Variants in FOXN3 observed in about 807,000 individuals in gnomAD.
FOXN3 encodes forkhead box protein N3.
In FOXN3, 7 loss-of-function variants were observed where a neutral mutation model predicts 38.4. That is an observed-to-expected ratio of 0.18 (90% CI 0.10 to 0.34). The LOEUF (loss-of-function observed/expected upper bound fraction) is 0.34, where lower values mean the gene tolerates loss of function less well. FOXN3 is among the 10% of genes least tolerant of loss of function. FOXN3 has a pLI of 1.00. For missense variants in FOXN3, 456 were observed against 613.4 expected (o/e 0.74, Z 2.71); for synonymous variants, 230 against 242.2 (o/e 0.95, Z 0.47).
intron 4 of FOXN3, among the ~76,000 whole-genome samples, chr14:89,266,487 T>A (rs28623319): frequency 2.9e-4 from 44 of 151,750 alleles, no homozygotes; most frequent in Non-Finnish European, 5.0e-4. Flanking sequence ...TGGAGGCGGC[T>A]GGGGGGGCGG....
intron 4 of FOXN3, among the ~76,000 whole-genome samples, chr14:89,277,866 C>T (rs550391175): frequency 3.3e-5 from 5 of 152,254 alleles, no homozygotes; most frequent in South Asian, 4.2e-4. Flanking sequence ...TCAGGTTCCG[C>T]GCTGTTGCTA....
intron 1 of FOXN3, among the ~76,000 whole-genome samples, chr14:89,479,710 T>C (rs1221578422): frequency 1.3e-5 from 2 of 152,210 alleles, no homozygotes; most frequent in Non-Finnish European, 2.9e-5. Flanking sequence ...ACTGAGATGT[T>C]AACATCAGAC....
chr14:89,222,720 C>T (rs558216689), intron 4 of FOXN3, among the ~76,000 whole-genome samples: 1 of 152,106 alleles, frequency 6.6e-6, no homozygotes, highest in Non-Finnish European at 1.5e-5. Context: ...CCCAAAACTA[C>T]CTGGGATGAC....
chr14:89,252,962 A>T (rs1050643457), intron 4 of FOXN3, among the ~76,000 whole-genome samples: 1 of 152,168 alleles, frequency 6.6e-6, no homozygotes, highest in African/African-American at 2.4e-5. Context: ...AAGCGCAGTC[A>T]CTTTAGAGAA....
chr14:89,534,368 C>G (rs1200236023), intron 1 of FOXN3, among the ~76,000 whole-genome samples: 2 of 152,124 alleles, frequency 1.3e-5, no homozygotes, highest in African/African-American at 4.8e-5. Flanking sequence ...TCCCAAAGTG[C>G]TGGGATTATA....
Position 89,549,738 on chromosome 14 carries a change from G to A in FOXN3, c.-15+69290C>T, listed in dbSNP as rs1252675499. Among the ~76,000 whole-genome samples the A allele has an allele frequency of 4.6e-5, 7 of 152,178 alleles. 1 individual carries two copies. In the South Asian group the frequency reaches 6.2e-4, roughly 14 times the overall value. On this transcript the variant is annotated intron_variant, in intron 1 of 6. Coordinates refer to the FOXN3 transcript ENST00000345097. The stretch of plus-strand genomic sequence containing the variant: ...TTCAGATTCAAGGCATGGCCAAGTC[G>A]CACAGGCTCACTTCAGGGTCCAGTT...
chr14:89,602,582 C>T (rs1896175914), intron 1 of FOXN3, among the ~76,000 whole-genome samples: 3 of 151,906 alleles, frequency 2.0e-5, no homozygotes, highest in Non-Finnish European at 2.9e-5. Context: ...CTGCAACCTC[C>T]GCCCCCCGAG....
intron 1 of FOXN3, among the ~76,000 whole-genome samples, chr14:89,429,344 C>A (rs2041157929): frequency 1.3e-5 from 2 of 152,222 alleles, no homozygotes; most frequent in East Asian, 1.9e-4. Flanking sequence ...CCAGTGACAT[C>A]CTCGGTCTAA....
At position 89,268,080 on chromosome 14, in the gene FOXN3, A is replaced by C. The variant is rs138328340; in HGVS notation, c.745+12870T>G. ...TAAACATATATGCACCTACACACACATACAGCTACACATTAATTTACACAT... is the reference window on the plus strand; with the variant it reads ...TAAACATATATGCACCTACACACACCTACAGCTACACATTAATTTACACAT... On this transcript the variant is annotated intron_variant, in intron 4 of 5. Transcript: ENST00000557258. Among the ~76,000 whole-genome samples, 403 of 152,278 alleles carry C rather than the reference A, an allele frequency of 2.6e-3. 3 individuals are homozygous for C. Among genetic ancestry groups the C allele is most frequent in the African/African-American group, 9.0e-3 (376 of 41,566 alleles).
chr14:89,383,057 T>A (rs1890702591), intron 2 of FOXN3, among the ~76,000 whole-genome samples: 1 of 133,896 alleles, frequency 7.5e-6, no homozygotes, highest in East Asian at 2.1e-4. Flanking sequence ...TTTTTTTTCC[T>A]TTTTTGGCTA....
chr14:89,511,141 T>C (rs199740262), intron 1 of FOXN3, among the ~76,000 whole-genome samples: 19 of 20,990 alleles, frequency 9.1e-4, no homozygotes, highest in East Asian at 4.8e-3. Context: ...TCTTTCTTTC[T>C]TTTCTTTCTT....
intron 4 of FOXN3, among the ~76,000 whole-genome samples, chr14:89,254,147 C>G (rs1168298699): frequency 6.6e-6 from 1 of 152,194 alleles, no homozygotes; most frequent in East Asian, 1.9e-4. Context: ...ATCTGTAAAG[C>G]AGGATCATAA....
rs116968547 is a variant in FOXN3, at chr14:89,295,267, C to T, written c.681-14253G>A. 5.1e-3 allele frequency among the ~76,000 whole-genome samples: 771 copies of T among 152,332 alleles called. 3 individuals are homozygous for T. Among genetic ancestry groups the T allele is most frequent in the Non-Finnish European group, 9.2e-3 (624 of 68,038 alleles). On this transcript the variant is annotated intron_variant, in intron 3 of 5. Transcript: ENST00000557258. ...AGGTACCCAGGACACCTTATCTGGT[C>T]ACTCTCACCCTACAACCTCTCCCTC...
chr14:89,271,604 T>G (rs1273216138), intron 4 of FOXN3, among the ~76,000 whole-genome samples: 1 of 152,226 alleles, frequency 6.6e-6, no homozygotes, highest in African/African-American at 2.4e-5. Context: ...TATTAAAGAA[T>G]GGGTGGGTTC....
intron 1 of FOXN3, among the ~76,000 whole-genome samples, chr14:89,440,602 C>T (rs560661518): frequency 2.0e-5 from 3 of 152,340 alleles, no homozygotes; most frequent in African/African-American, 7.2e-5. Flanking sequence ...CACCTTGCGA[C>T]CCCGACTCCT....
chr14:89,533,251 C>G (rs1045533487), intron 1 of FOXN3, among the ~76,000 whole-genome samples: 3 of 152,206 alleles, frequency 2.0e-5, no homozygotes, highest in Non-Finnish European at 4.4e-5. Context: ...CCCTTTCACT[C>G]TCCTCCGGCT....
chr14:89,295,812 C>A (rs540637935), intron 3 of FOXN3, among the ~76,000 whole-genome samples: 55 of 141,484 alleles, frequency 3.9e-4, no homozygotes, highest in South Asian at 2.2e-4. Context: ...GTTTCCCAGG[C>A]TGCTCTTGAA....
chr14:89,286,445 T>C (rs559690479), intron 3 of FOXN3, among the ~76,000 whole-genome samples: 47 of 152,230 alleles, frequency 3.1e-4, no homozygotes, highest in Middle Eastern at 3.4e-3. Flanking sequence ...TTAGCACTCA[T>C]GGAGGCCAGA....
chr14:89,222,063 G>A (rs1012857826), intron 4 of FOXN3, among the ~76,000 whole-genome samples: 1 of 152,116 alleles, frequency 6.6e-6, no homozygotes, highest in South Asian at 2.1e-4. Context: ...TGATCTGCCC[G>A]CCTCGGCCTC....
Sources: gnomAD v4.1 joint callset for allele counts (sites outside exome capture counted in the v4.1 genomes callset) on GRCh38, gnomAD v4.1.1 for gene constraint, MANE v1.5 for transcripts, NCBI Gene and HGNC (gene_info 2026-07-23, HGNC 2026-07-21) for gene names.